PDE8A: variants seen among roughly 807,000 people sequenced by gnomAD.
The protein encoded by PDE8A is phosphodiesterase 8A, also known as high affinity cAMP-specific and IBMX-insensitive 3',5'-cyclic phosphodiesterase 8A.
PDE8A carries 59 observed loss-of-function variants against 105.0 expected under a neutral mutation model. The observed-to-expected ratio is 0.56, with a 90% CI of 0.46 to 0.70. The LOEUF (loss-of-function observed/expected upper bound fraction) is 0.70, where lower values mean the gene tolerates loss of function less well. Among genes scored for constraint, PDE8A ranks in the 30% least tolerant of loss-of-function variants. PDE8A has a pLI of 0.00. For missense variants in PDE8A, 1,014 were observed against 1,045.9 expected (o/e 0.97, Z 0.42); for synonymous variants, 355 against 371.9 (o/e 0.95, Z 0.52).
chr15:85,007,197 G>T (rs1044057001), intron 1 of PDE8A, among the ~76,000 whole-genome samples: 2 of 152,094 alleles, frequency 1.3e-5, no homozygotes, highest in African/African-American at 4.8e-5. Context: ...TAGGAGAACA[G>T]ATGATATAGG....
intron 1 of PDE8A, among the ~76,000 whole-genome samples, chr15:85,023,680 G>A (rs975000430): frequency 6.6e-6 from 1 of 152,198 alleles, no homozygotes; most frequent in Non-Finnish European, 1.5e-5. Context: ...AGTTCTGGCT[G>A]ATGAGGGGCT....
intron 1 of PDE8A, among the ~76,000 whole-genome samples, chr15:84,988,955 T>C (rs2079845070): frequency 6.6e-6 from 1 of 152,250 alleles, no homozygotes; most frequent in Non-Finnish European, 1.5e-5. Flanking sequence ...CTATCTCACC[T>C]TGTTTAGATT....
intron 1 of PDE8A, among the ~76,000 whole-genome samples, chr15:85,009,855 G>A (rs978224530): frequency 3.9e-5 from 6 of 152,092 alleles, no homozygotes; most frequent in South Asian, 2.1e-4. Context: ...AGTATTAGTC[G>A]TACTAGCTAA....
chr15:84,982,242 C>A lies in PDE8A; in HGVS notation c.80C>A (p.Ser27Ter). Residue 27 changes from serine (S) to a stop codon, truncating the protein, a stop_gained, in exon 1 of 22, where the codon TCG becomes TAG. Transcript: ENST00000394553. LOFTEE classifies it high-confidence loss of function. ...DAPSPAAPPLSSGGPRLPQGQ... is the reference protein window; with the variant it reads ...DAPSPAAPPL Reference sequence around the variant, plus strand: ...CCTAGCCCCGCGGCACCGCCGCTGTCGTCCGGCGGGCCGCGCCTCCCGCAG... The same window carrying A: ...CCTAGCCCCGCGGCACCGCCGCTGTAGTCCGGCGGGCCGCGCCTCCCGCAG... 2.0e-6 allele frequency: 3 copies of A among 1,464,078 alleles called. No individual in the cohort carries two copies. Among genetic ancestry groups the A allele is most frequent in the South Asian group, 1.3e-5 (1 of 76,284 alleles). The allele number at this position is 1,464,078 out of a possible 1,614,324, so 90.7% of individuals were successfully genotyped here. A position where few individuals can be genotyped will look rare whatever the true frequency, so the allele number is the denominator to read the frequency against.
At chr15:84,983,848 T>C (rs1284552006) in intron 1 of PDE8A, among the ~76,000 whole-genome samples, 1 of 152,220 alleles carries the variant, frequency 6.6e-6, no homozygotes, top group Non-Finnish European at 1.5e-5. Flanking sequence ...GTGGATTGGG[T>C]GTCCTAAAAT....
chr15:85,062,874 G>A (rs1015560086), intron 1 of PDE8A: 2 of 152,186 alleles, frequency 1.3e-5, no homozygotes, highest in African/African-American at 4.8e-5. Flanking sequence ...TTACTCTACT[G>A]TCTTCTCTAA....
intron 1 of PDE8A, among the ~76,000 whole-genome samples, chr15:85,038,820 AT>A (rs1221702736): frequency 6.6e-6 from 1 of 152,154 alleles, no homozygotes; most frequent in East Asian, 1.9e-4. Flanking sequence ...ATTGGCTGTT[AT>A]CAAAAAGGTG....
intron 1 of PDE8A, among the ~76,000 whole-genome samples, chr15:84,996,928 G>A (rs1343973112): frequency 6.6e-6 from 1 of 150,810 alleles, no homozygotes; most frequent in Non-Finnish European, 1.5e-5. Flanking sequence ...CAGTGAATGA[G>A]TGGTGAGTGA....
At chr15:85,085,149 A>G (rs1450638513) in intron 6 of PDE8A, among the ~76,000 whole-genome samples, 1 of 152,176 alleles carries the variant, frequency 6.6e-6, no homozygotes, top group Non-Finnish European at 1.5e-5. Context: ...AATGTAGCCT[A>G]CAAGGGTCTC....
chr15:85,057,968 A>G (rs887472929), intron 1 of PDE8A, among the ~76,000 whole-genome samples: 2 of 152,074 alleles, frequency 1.3e-5, no homozygotes, highest in Non-Finnish European at 2.9e-5. Flanking sequence ...TTTTTGCATC[A>G]GTGTTTATAA....
chr15:85,038,756 C>T (rs1359421051), intron 1 of PDE8A, among the ~76,000 whole-genome samples: 1 of 152,188 alleles, frequency 6.6e-6, no homozygotes, highest in East Asian at 1.9e-4. Flanking sequence ...CACCTCTAAT[C>T]ATCAGAGAAA....
intron 1 of PDE8A, among the ~76,000 whole-genome samples, chr15:85,013,595 G>A (rs878977463): frequency 1.3e-5 from 2 of 152,154 alleles, no homozygotes; most frequent in Admixed American, 1.3e-4. Context: ...TTATTGTGGA[G>A]AATTTATAAC....
intron 1 of PDE8A, among the ~76,000 whole-genome samples, chr15:85,062,038 T>G (rs2081154059): frequency 6.6e-6 from 1 of 152,226 alleles, no homozygotes; most frequent in South Asian, 2.1e-4. Flanking sequence ...TTAGTTCTTT[T>G]AGCATCTTGA....
At chr15:85,101,594 G>A (rs1196729785) in intron 11 of PDE8A, among the ~76,000 whole-genome samples, 1 of 152,152 alleles carries the variant, frequency 6.6e-6, no homozygotes, top group African/African-American at 2.4e-5. Flanking sequence ...GAGTCAGGGA[G>A]CAGCGTGATG....
chr15:84,997,718 G>C (rs894934620), intron 1 of PDE8A, among the ~76,000 whole-genome samples: 17 of 151,594 alleles, frequency 1.1e-4, no homozygotes, highest in Admixed American at 3.9e-4. Context: ...TCAGCCTTCC[G>C]AGTAACTGGG....
chr15:85,012,925 A>G (rs959834742), intron 1 of PDE8A, among the ~76,000 whole-genome samples: 1 of 152,126 alleles, frequency 6.6e-6, no homozygotes, highest in Non-Finnish European at 1.5e-5. Context: ...TTGGAAACAA[A>G]AGAGTGGGAG....
At chr15:85,021,296 A>G (rs1407402789) in intron 1 of PDE8A, among the ~76,000 whole-genome samples, 1 of 152,156 alleles carries the variant, frequency 6.6e-6, no homozygotes, top group African/African-American at 2.4e-5. Context: ...AGTCTCAGCA[A>G]TTTGGGAAGC....
At chr15:85,116,392 C>T in intron 16 of PDE8A, 1 of 420,892 alleles carries the variant, frequency 2.4e-6, no homozygotes, top group East Asian at 4.1e-5. Context: ...AAAGGTATTT[C>T]TCCTGTAGGT....
intron 17 of PDE8A, among the ~76,000 whole-genome samples, chr15:85,118,767 G>A (rs2082135171): frequency 1.3e-5 from 2 of 152,204 alleles, no homozygotes; most frequent in Non-Finnish European, 2.9e-5. Context: ...GATGACTGCA[G>A]TCATGCAGGG....
Sources: gnomAD v4.1 joint callset for allele counts (sites outside exome capture counted in the v4.1 genomes callset) on GRCh38, gnomAD v4.1.1 for gene constraint, MANE v1.5 for transcripts, NCBI Gene and HGNC (gene_info 2026-07-23, HGNC 2026-07-21) for gene names.